The following MPI variants were observed in gnomAD, a reference collection of about 807,000 sequenced individuals.
MPI encodes mannose phosphate isomerase, also known as mannose-6-phosphate isomerase.
In MPI, 33 loss-of-function variants were observed where a neutral mutation model predicts 40.1. That is an observed-to-expected ratio of 0.82 (90% CI 0.62 to 1.10). The LOEUF (loss-of-function observed/expected upper bound fraction) is 1.10, where lower values mean the gene tolerates loss of function less well. Ranked by LOEUF, MPI falls within the 50% of genes least tolerant of loss-of-function variation. The pLI is 0.00. For synonymous variants in MPI, 187 were observed against 207.4 expected, an observed-to-expected ratio of 0.90 and a Z score of 0.85; for missense variants, 514 against 524.1, an observed-to-expected ratio of 0.98 and a Z score of 0.19.
Position 74,898,213 on chromosome 15 carries a change from G to C in MPI, c.*483G>C, listed in dbSNP as rs886051486. On this transcript the variant is annotated 3_prime_UTR_variant, in exon 8 of 8. Coordinates refer to ENST00000352410, the MANE Select transcript of MPI (RefSeq NM_002435.3). Reference sequence around the variant, plus strand: ...CCCTTGTTCTGTCAAAGCAATTAAAGATCACTTGTGTTGAGGCTGTGGGGT... The same window carrying C: ...CCCTTGTTCTGTCAAAGCAATTAAACATCACTTGTGTTGAGGCTGTGGGGT... 5 of 264,646 alleles carry C rather than the reference G, an allele frequency of 1.9e-5. No homozygotes were observed. The highest frequency in any genetic ancestry group is 3.8e-5 in the Non-Finnish European group (5 of 132,804). 16.4% of individuals were successfully genotyped at this position (264,646 alleles called of 1,614,324 possible). A position where few individuals can be genotyped will look rare whatever the true frequency, so the allele number is the denominator to read the frequency against.
chr15:74,899,380 G>A lies in MPI; in HGVS notation c.*1650G>A, dbSNP rs766556882. ...AGGAAACCACCTTCAAAAATCTCCT[G>A]GGTTTTCTTGCCTCCAAATTTTCTT... is the stretch of plus-strand genomic sequence containing the variant. On this transcript the variant is annotated 3_prime_UTR_variant, in exon 8 of 8. Coordinates refer to ENST00000352410, the MANE Select transcript of MPI (RefSeq NM_002435.3). 2 of 152,144 alleles carry A rather than the reference G, an allele frequency of 1.3e-5. No homozygotes were observed. The highest frequency in any genetic ancestry group is 2.9e-5 in the Non-Finnish European group (2 of 68,034). The allele number at this position is 152,144 out of a possible 1,614,324, so 9.4% of individuals were successfully genotyped here.
Position 74,898,102 on chromosome 15 carries a change from C to T in MPI, c.*372C>T. ...CAAGAGACCAGGTAATTTCTAAGAA[C>T]AGGGTTCTAGCGATGGGACTGCCCA... On this transcript the variant is annotated 3_prime_UTR_variant, in exon 8 of 8. Coordinates refer to ENST00000352410, the MANE Select transcript of MPI (RefSeq NM_002435.3). 5.4e-6 allele frequency: 2 copies of T among 370,698 alleles called. No homozygotes were observed. Among genetic ancestry groups the T allele is most frequent in the Non-Finnish European group, 1.0e-5 (2 of 190,616 alleles). The allele number at this position is 370,698 out of a possible 1,614,324, so 23.0% of individuals were successfully genotyped here.
chr15:74,897,305 G>T (rs2141209006), intron 7 of MPI, 86 bp downstream of exon 7: 2 of 1,530,208 alleles, frequency 1.3e-6, no homozygotes, highest in East Asian at 2.2e-5. Context: ...CTGGGGCTGG[G>T]TTTCCTGTCA....
intron 5 of MPI, among the ~76,000 whole-genome samples, chr15:74,895,021 C>T (rs2141204609): frequency 6.7e-6 from 1 of 149,984 alleles, no homozygotes; most frequent in South Asian, 2.1e-4. Flanking sequence ...GGCTGGAGTG[C>T]AGTGGTGCAA....
At chr15:74,892,891 C>T in intron 4 of MPI, 89 bp downstream of exon 4, 1 of 1,596,916 alleles carries the variant, frequency 6.3e-7, no homozygotes, top group Non-Finnish European at 8.6e-7. Context: ...GAGAACGGGT[C>T]ACATGTCACA....
chr15:74,896,855 G>A (rs776077623), intron 6 of MPI, 156 bp from the exon 7 acceptor site: 45 of 737,252 alleles, frequency 6.1e-5, no homozygotes, highest in African/African-American at 1.9e-4. Context: ...CCTGTTTTTG[G>A]TATTTGATAT....
Position 74,893,124 on chromosome 15 carries a change from T to G in MPI, c.488-14T>G, listed in dbSNP as rs776508632. The G allele has an allele frequency of 1.2e-6, 2 of 1,613,538 alleles. No individual in the cohort carries two copies. Among genetic ancestry groups the G allele is most frequent in the African/African-American group, 2.7e-5 (2 of 74,918 alleles). On this transcript the variant is annotated splice_polypyrimidine_tract_variant and intron_variant, in intron 4 of 7. Transcript: ENST00000352410. ...CCATTCCTGATATGGGCCCTGGGCC[T>G]TGCCTTCCTGTAGAGGTGCCTGAGT...
rs564765063 is a variant in MPI at position 74,897,234 on chromosome 15, A to G, written c.1053+15A>G. Reference sequence around the variant, plus strand: ...TGAAGACGGAGGTGAGTGAGGGGCTATGATGGGTGTCCTTCGTGTGCCATG... The same window carrying G: ...TGAAGACGGAGGTGAGTGAGGGGCTGTGATGGGTGTCCTTCGTGTGCCATG... On this transcript the variant is annotated intron_variant, in intron 7 of 7. Transcript: ENST00000352410. 66 of 1,611,866 alleles carry G rather than the reference A, an allele frequency of 4.1e-5. No homozygotes were observed. In the Middle Eastern group the frequency reaches 6.6e-4, roughly 16 times the overall value.
rs2064933982 is a variant in MPI at position 74,901,023 on chromosome 15, C to T, written c.*3293C>T. Reference sequence around the variant, plus strand: ...CTTCTAGTCACCCCTTGTGGTAGAGCGAAAAGAGTGTGTTGTCCCTCTCAT... The same window carrying T: ...CTTCTAGTCACCCCTTGTGGTAGAGTGAAAAGAGTGTGTTGTCCCTCTCAT... On this transcript the variant is annotated 3_prime_UTR_variant, in exon 8 of 8. Coordinates refer to ENST00000352410, the MANE Select transcript of MPI (RefSeq NM_002435.3). 6.6e-6 allele frequency: 1 copy of T among 152,198 alleles called. No homozygotes were observed. Among genetic ancestry groups the T allele is most frequent in the Non-Finnish European group, 1.5e-5 (1 of 68,062 alleles). The allele number at this position is 152,198 out of a possible 1,614,324, so 9.4% of individuals were successfully genotyped here.
chr15:74,897,428 T>C, intron 7 of MPI, 84 bp from the exon 8 acceptor site: 1 of 1,424,078 alleles, frequency 7.0e-7, no homozygotes, highest in Non-Finnish European at 9.8e-7. Flanking sequence ...GAGCTCTCCC[T>C]CGTGCCCTGG....
intron 7 of MPI, 86 bp from the exon 8 acceptor site, chr15:74,897,426 C>T: frequency 7.1e-7 from 1 of 1,411,086 alleles, no homozygotes; most frequent in South Asian, 1.2e-5. Flanking sequence ...CAGAGCTCTC[C>T]CTCGTGCCCT....
At position 74,900,146 on chromosome 15, in the gene MPI, C is replaced by T. The variant is rs2064892846; in HGVS notation, c.*2416C>T. ...CCTCAGGAAACTGTCACCTGCAGAA[C>T]ACACAGCACTCAGAATTAAGGCAGT... is the stretch of plus-strand genomic sequence containing the variant. On this transcript the variant is annotated 3_prime_UTR_variant, in exon 8 of 8. Coordinates refer to ENST00000352410, the MANE Select transcript of MPI (RefSeq NM_002435.3). The T allele has an allele frequency of 6.6e-6, 1 of 152,318 alleles. No individual in the cohort carries two copies. The highest frequency in any genetic ancestry group is 2.1e-4 in the South Asian group (1 of 4,834). The allele number at this position is 152,318 out of a possible 1,614,324, so 9.4% of individuals were successfully genotyped here. A position where few individuals can be genotyped will look rare whatever the true frequency, so the allele number is the denominator to read the frequency against.
Position 74,891,421 on chromosome 15 carries a change from G to T in MPI, c.187G>T (p.Asp63Tyr). 3 of 1,614,178 alleles carry T rather than the reference G, an allele frequency of 1.9e-6. No homozygotes were observed. Among genetic ancestry groups the T allele is most frequent in the Non-Finnish European group, 2.5e-6 (3 of 1,180,046 alleles). Reference protein sequence around the residue: ...THPRGDAKILDNRISQKTLSQ... With the variant: ...THPRGDAKILYNRISQKTLSQ... ...CCCCCGAGGGGATGCCAAGATCCTT[G>T]ACAACCGCATCTCACAGAAGACCCT... is the stretch of plus-strand genomic sequence containing the variant. The change falls in exon 3 of 8, where the codon GAC becomes TAC. Residue 63 changes from aspartate (D) to tyrosine (Y), a missense_variant. By Grantham distance (160) the Asp-to-Tyr change is radical. Coordinates refer to ENST00000352410, the MANE Select transcript of MPI (RefSeq NM_002435.3).
intron 6 of MPI, chr15:74,896,756 G>A (rs1293136472): frequency 3.2e-6 from 2 of 618,948 alleles, no homozygotes; most frequent in East Asian, 5.5e-5. Context: ...ACAGGATTCT[G>A]GGGTAGAAGT....
chr15:74,894,107 T>TGTGTTTCTGAGCCAG (rs1555478772), intron 5 of MPI, among the ~76,000 whole-genome samples: 1 of 61,002 alleles, frequency 1.6e-5, no homozygotes, highest in African/African-American at 4.3e-5. Context: ...TGTGTGTGTG[T>TGTGTTTCTGAGCCAG]GGTCTCTTTC....
chr15:74,897,440 G>T (rs2064837603), intron 7 of MPI, 72 bp from the exon 8 acceptor site: 2 of 1,489,640 alleles, frequency 1.3e-6, no homozygotes, highest in Admixed American at 1.7e-5. Flanking sequence ...GTGCCCTGGG[G>T]ACTGTCCTGG....
chr15:74,892,178 G>C (rs1244614165), intron 3 of MPI, among the ~76,000 whole-genome samples: 2 of 152,136 alleles, frequency 1.3e-5, no homozygotes, highest in Middle Eastern at 3.2e-3. Context: ...ATTTTTAGTA[G>C]AGATGGGGTT....
rs1219886163 is a variant in MPI, at chr15:74,892,643, C to A, written c.346-18C>A. On this transcript the variant is annotated intron_variant, in intron 3 of 7. Coordinates refer to ENST00000352410, the MANE Select transcript of MPI (RefSeq NM_002435.3). Reference sequence around the variant, plus strand: ...GCTGTACCCTCACCATCCTCCTCTTCCCCTGGCCACCCCACAGGAGCTGGC... The same window carrying A: ...GCTGTACCCTCACCATCCTCCTCTTACCCTGGCCACCCCACAGGAGCTGGC... The A allele has an allele frequency of 6.2e-7, 1 of 1,613,742 alleles. No homozygotes were observed. The highest frequency in any genetic ancestry group is 1.3e-5 in the African/African-American group (1 of 74,940).
chr15:74,894,021 G>GCA (rs2064765820), intron 5 of MPI, among the ~76,000 whole-genome samples: 1 of 137,092 alleles, frequency 7.3e-6, no homozygotes, highest in African/African-American at 2.6e-5. Flanking sequence ...TTTGACCCAA[G>GCA]CATATTTTTT....
Sources: allele counts gnomAD v4.1 joint callset (sites outside exome capture counted in the v4.1 genomes callset), GRCh38; gene constraint gnomAD v4.1.1; transcripts MANE v1.5; gene names NCBI Gene and HGNC (gene_info 2026-07-23, HGNC 2026-07-21).